ABCA13: variants seen among roughly 807,000 people sequenced by gnomAD.
ABCA13 encodes ATP-binding cassette sub-family A member 13.
A neutral mutation model predicts 478.7 loss-of-function variants in ABCA13; 476 were observed. The ratio of observed to expected loss-of-function variants is 0.99; its 90% CI spans 0.92 to 1.07. The LOEUF (loss-of-function observed/expected upper bound fraction) is 1.07. Among genes scored for constraint, ABCA13 ranks in the 50% least tolerant of loss-of-function variants. ABCA13 has a pLI of 0.00. For synonymous variants in ABCA13, 2,252 were observed against 2,158.9 expected, an observed-to-expected ratio of 1.04 and a Z score of -1.20; for missense variants, 6,060 against 5,910.6, an observed-to-expected ratio of 1.03 and a Z score of -0.83.
Position 48,637,381 on chromosome 7 carries a change from C to CAAAAAAAAAAA in ABCA13, c.14838-5892_14838-5882dup, listed in dbSNP as rs1156643955. Among the ~76,000 whole-genome samples the CAAAAAAAAAAA allele has an allele frequency of 2.0e-3, 41 of 20,258 alleles. 4 individuals are homozygous for CAAAAAAAAAAA. Among genetic ancestry groups the CAAAAAAAAAAA allele is most frequent in the African/African-American group, 7.1e-3 (35 of 4,916 alleles). The allele number at this position is 20,258 out of a possible 152,430, so 13.3% of individuals were successfully genotyped here. On this transcript the variant is annotated intron_variant, in intron 59 of 61. Transcript: ENST00000435803. ...TGTTTTCTTTATTATGTTCATAAAGCAAAAAAAAAAAAAAAAAAAAAAAAA... is the reference window on the plus strand; with the variant it reads ...TGTTTTCTTTATTATGTTCATAAAGCAAAAAAAAAAAAAAAAAAAAAAAAAAAAAAAAAAAA...
chr7:48,296,021 C>T (rs960581944), intron 21 of ABCA13, among the ~76,000 whole-genome samples, 158 bp downstream of exon 21: 1 of 152,124 alleles, frequency 6.6e-6, no homozygotes, highest in Non-Finnish European at 1.5e-5. Flanking sequence ...TTTTCCATGA[C>T]AATTTTTGAG....
At chr7:48,250,737 G>T (rs1386919334) in intron 15 of ABCA13, among the ~76,000 whole-genome samples, 1 of 152,104 alleles carries the variant, frequency 6.6e-6, no homozygotes. Flanking sequence ...CTACTTTTTG[G>T]AAAGATGCCA....
At chr7:48,426,053 C>T (rs1461939068) in intron 41 of ABCA13, among the ~76,000 whole-genome samples, 43 of 152,146 alleles carry the variant, frequency 2.8e-4, no homozygotes, top group Admixed American at 2.8e-3. Context: ...TTATTTATTA[C>T]CATTTATCAT....
intron 55 of ABCA13, among the ~76,000 whole-genome samples, chr7:48,573,918 C>A (rs1244156227): frequency 6.6e-6 from 1 of 152,050 alleles, no homozygotes; most frequent in Non-Finnish European, 1.5e-5. Context: ...GGACCATCTT[C>A]TCTCTGTGTG....
intron 55 of ABCA13, among the ~76,000 whole-genome samples, chr7:48,557,878 T>A (rs1477197155): frequency 6.6e-6 from 1 of 152,208 alleles, no homozygotes; most frequent in African/African-American, 2.4e-5. Flanking sequence ...TCCCTTTGAA[T>A]AAACTTCCTG....
chr7:48,644,589 CTTTTTTT>C (rs71006572), intron 60 of ABCA13, 21 bp from the exon 61 acceptor site: 238 of 1,412,696 alleles, frequency 1.7e-4, no homozygotes, highest in South Asian at 3.6e-4. Context: ...TTATATGATA[CTTTTTTT>C]TTTTTTTTTT....
intron 38 of ABCA13, among the ~76,000 whole-genome samples, chr7:48,398,270 G>A (rs1184271052): frequency 2.6e-5 from 4 of 152,166 alleles, no homozygotes. Flanking sequence ...GAGATTGGGA[G>A]CTTAAATCAA....
intron 41 of ABCA13, among the ~76,000 whole-genome samples, chr7:48,421,527 C>T (rs1348986189): frequency 6.6e-6 from 1 of 152,178 alleles, no homozygotes; most frequent in Non-Finnish European, 1.5e-5. Flanking sequence ...GGAGGTCCTT[C>T]AAGCTGGTTT....
intron 58 of ABCA13, among the ~76,000 whole-genome samples, chr7:48,611,352 G>A (rs1792007217): frequency 6.6e-6 from 1 of 152,064 alleles, no homozygotes; most frequent in African/African-American, 2.4e-5. Flanking sequence ...TCCAACCTCT[G>A]CCCATTATCC....
intron 49 of ABCA13, 91 bp downstream of exon 49, chr7:48,506,481 A>G: frequency 1.4e-6 from 2 of 1,422,350 alleles, no homozygotes; most frequent in Non-Finnish European, 2.0e-6. Context: ...TCTCTTTTGC[A>G]TTTGCCCCAA....
chr7:48,270,461 A>G (rs17661308), intron 16 of ABCA13, among the ~76,000 whole-genome samples: 4,733 of 152,224 alleles, frequency 0.031, 185 homozygotes, highest in Admixed American at 0.1. Context: ...TCAGTTCCCA[A>G]TACAAATAAG....
intron 31 of ABCA13, among the ~76,000 whole-genome samples, chr7:48,365,069 G>T (rs887190714): frequency 2.6e-5 from 4 of 151,994 alleles, no homozygotes; most frequent in Admixed American, 6.6e-5. Context: ...CCCTGCCAGC[G>T]TCTGTTATTT....
chr7:48,371,703 T>G (rs756651273), intron 32 of ABCA13, among the ~76,000 whole-genome samples: 1 of 152,124 alleles, frequency 6.6e-6, no homozygotes, highest in South Asian at 2.1e-4. Context: ...GACGATGGGG[T>G]TTTCTAGATA....
intron 60 of ABCA13, among the ~76,000 whole-genome samples, chr7:48,643,808 A>G (rs1449184666): frequency 1.3e-5 from 2 of 152,202 alleles, no homozygotes; most frequent in East Asian, 1.9e-4. Context: ...ACAATCCTCT[A>G]TAAACTTGCT....
intron 39 of ABCA13, among the ~76,000 whole-genome samples, chr7:48,405,622 C>T (rs1052285753): frequency 1.3e-5 from 2 of 152,304 alleles, no homozygotes; most frequent in African/African-American, 4.8e-5. Flanking sequence ...TGTCTCTGCA[C>T]CTGTGAATTG....
At chr7:48,610,894 A>G (rs1791965082) in intron 58 of ABCA13, among the ~76,000 whole-genome samples, 1 of 152,238 alleles carries the variant, frequency 6.6e-6, no homozygotes, top group Non-Finnish European at 1.5e-5. Context: ...CTAGCCCACA[A>G]AATCATTCTT....
intron 27 of ABCA13, among the ~76,000 whole-genome samples, chr7:48,328,141 C>T (rs1804610030): frequency 6.6e-6 from 1 of 152,166 alleles, no homozygotes; most frequent in Non-Finnish European, 1.5e-5. Context: ...GGAAGCTGCC[C>T]AAGCCTGGAG....
intron 21 of ABCA13, among the ~76,000 whole-genome samples, chr7:48,296,157 A>C (rs1258703802): frequency 6.6e-6 from 1 of 152,150 alleles, no homozygotes; most frequent in Non-Finnish European, 1.5e-5. Flanking sequence ...TGGGAGGCTG[A>C]TGTGGGAGAA....
intron 29 of ABCA13, among the ~76,000 whole-genome samples, chr7:48,345,775 G>A (rs1443635682): frequency 6.6e-6 from 1 of 152,104 alleles, no homozygotes; most frequent in East Asian, 1.9e-4. Flanking sequence ...TGTTTATAAA[G>A]TGTATAAAGT....
Sources: allele counts gnomAD v4.1 joint callset (sites outside exome capture counted in the v4.1 genomes callset), GRCh38; gene constraint gnomAD v4.1.1; transcripts MANE v1.5; gene names NCBI Gene and HGNC (gene_info 2026-07-23, HGNC 2026-07-21).